The following PTPRD variants were observed in gnomAD, a reference collection of about 807,000 sequenced individuals.
The protein encoded by PTPRD is protein tyrosine phosphatase receptor type D.
A neutral mutation model predicts 214.5 loss-of-function variants in PTPRD; 34 were observed. That is an observed-to-expected ratio of 0.16 (90% CI 0.12 to 0.21). The LOEUF (loss-of-function observed/expected upper bound fraction) is 0.21. Among genes scored for constraint, PTPRD ranks in the 10% least tolerant of loss-of-function variants. PTPRD has a pLI of 1.00. For synonymous variants in PTPRD, 1,128 were observed against 845.7 expected (o/e 1.33, Z -5.79); for missense variants, 2,545 against 2,398.7 (o/e 1.06, Z -1.27).
At chr9:8,409,808 T>C (rs2093364335) in intron 35 of PTPRD, among the ~76,000 whole-genome samples, 1 of 152,222 alleles carries the variant, frequency 6.6e-6, no homozygotes, top group African/African-American at 2.4e-5. Context: ...TTTGTGTGTT[T>C]TTAAAACAAC....
chr9:9,525,126 G>C (rs1284041735), intron 8 of PTPRD, among the ~76,000 whole-genome samples: 1 of 152,132 alleles, frequency 6.6e-6, no homozygotes, highest in Non-Finnish European at 1.5e-5. Context: ...CAAAGTGCTG[G>C]GATTACAGGC....
intron 9 of PTPRD, among the ~76,000 whole-genome samples, chr9:9,371,880 C>T (rs2059604796): frequency 6.6e-6 from 1 of 152,156 alleles, no homozygotes; most frequent in African/African-American, 2.4e-5. Context: ...ACCCAGTAGT[C>T]TTTCAGGAGC....
chr9:8,944,089 A>C (rs2099049839), intron 11 of PTPRD, among the ~76,000 whole-genome samples: 2 of 152,104 alleles, frequency 1.3e-5, no homozygotes, highest in Admixed American at 6.6e-5. Flanking sequence ...AAAAATGGGC[A>C]AAAGATCTGA....
At chr9:8,536,790 G>A (rs969522711) in intron 14 of PTPRD, among the ~76,000 whole-genome samples, 1 of 151,938 alleles carries the variant, frequency 6.6e-6, no homozygotes, top group South Asian at 2.1e-4. Flanking sequence ...TGGGCCACAA[G>A]GTCCCTCTTC....
intron 8 of PTPRD, among the ~76,000 whole-genome samples, chr9:9,435,277 G>C (rs1336282525): frequency 6.6e-6 from 1 of 152,046 alleles, no homozygotes; most frequent in Non-Finnish European, 1.5e-5. Flanking sequence ...TTGGGAAGCT[G>C]AGGTGGGAGG....
chr9:8,517,655 T>C (rs2097805283), intron 21 of PTPRD, among the ~76,000 whole-genome samples, 193 bp downstream of exon 21: 1 of 152,246 alleles, frequency 6.6e-6, no homozygotes, highest in Non-Finnish European at 1.5e-5. Context: ...AATGCATTGT[T>C]CTGCTCAAAA....
chr9:9,600,265 G>C (rs1157261497), intron 7 of PTPRD, among the ~76,000 whole-genome samples: 1 of 152,094 alleles, frequency 6.6e-6, no homozygotes, highest in African/African-American at 2.4e-5. Context: ...AATGGCAGGA[G>C]AGGAAGTACA....
At chr9:9,235,476 T>C (rs571782164) in intron 9 of PTPRD, among the ~76,000 whole-genome samples, 25 of 152,278 alleles carry the variant, frequency 1.6e-4, no homozygotes, top group Non-Finnish European at 3.1e-4. Context: ...TTTTTCTTTG[T>C]GTCTTTCAGC....
At chr9:9,307,917 T>C (rs1957641069) in intron 9 of PTPRD, among the ~76,000 whole-genome samples, 1 of 152,172 alleles carries the variant, frequency 6.6e-6, no homozygotes, top group African/African-American at 2.4e-5. Context: ...ACTTTGCCTA[T>C]GTTCTCCCCT....
intron 3 of PTPRD, among the ~76,000 whole-genome samples, chr9:10,280,531 G>C (rs2095042497): frequency 6.6e-6 from 1 of 152,134 alleles, no homozygotes; most frequent in African/African-American, 2.4e-5. Context: ...TTGTGTGTAA[G>C]AAACACACGA....
intron 2 of PTPRD, among the ~76,000 whole-genome samples, chr9:10,527,516 G>C (rs1324191052): frequency 6.6e-6 from 1 of 152,148 alleles, no homozygotes; most frequent in Non-Finnish European, 1.5e-5. Flanking sequence ...GCCATAAATG[G>C]CTTGTACATT....
chr9:10,034,764 T>A (rs2097147711), intron 3 of PTPRD, among the ~76,000 whole-genome samples: 1 of 152,134 alleles, frequency 6.6e-6, no homozygotes, highest in African/African-American at 2.4e-5. Context: ...GATTTTGTTC[T>A]TTTTTATGGC....
At position 8,317,584 on chromosome 9, in the gene PTPRD, T is replaced by C. The variant is rs1006863507; in HGVS notation, c.*290A>G. The stretch of plus-strand genomic sequence containing the variant: ...TGAATAAGATGGTGGTTCTTTGCTG[T>C]GATTTCTTCTTCCCTTGATTTTGAA... On this transcript the variant is annotated 3_prime_UTR_variant, in exon 46 of 46. Coordinates refer to ENST00000381196, the MANE Select transcript of PTPRD (RefSeq NM_002839.4). The C allele has an allele frequency of 3.1e-6, 1 of 321,336 alleles. No individual in the cohort carries two copies. Among genetic ancestry groups the C allele is most frequent in the African/African-American group, 2.0e-5 (1 of 48,790 alleles). 19.9% of individuals were successfully genotyped at this position (321,336 alleles called of 1,614,324 possible).
chr9:8,854,552 C>G (rs1157253309), intron 11 of PTPRD, among the ~76,000 whole-genome samples: 1 of 152,174 alleles, frequency 6.6e-6, no homozygotes, highest in Non-Finnish European at 1.5e-5. Flanking sequence ...TCACCCTTGT[C>G]AGTTTGAAAA....
chr9:9,711,588 G>A (rs1221462994), intron 7 of PTPRD, among the ~76,000 whole-genome samples: 2 of 152,058 alleles, frequency 1.3e-5, no homozygotes, highest in Non-Finnish European at 2.9e-5. Context: ...TTCTATTGGA[G>A]CTATGTCCAC....
intron 3 of PTPRD, among the ~76,000 whole-genome samples, chr9:10,093,777 C>G (rs1380554612): frequency 1.3e-5 from 2 of 151,402 alleles, no homozygotes; most frequent in East Asian, 3.9e-4. Flanking sequence ...AAAATCGTGT[C>G]CTTTGCAGTA....
At chr9:9,753,040 C>T (rs2098536812) in intron 6 of PTPRD, among the ~76,000 whole-genome samples, 1 of 152,054 alleles carries the variant, frequency 6.6e-6, no homozygotes, top group African/African-American at 2.4e-5. Context: ...CTCTGGTGTG[C>T]TCTGCTTTTA....
chr9:9,876,430 G>T (rs1338039307), intron 5 of PTPRD, among the ~76,000 whole-genome samples: 1 of 151,902 alleles, frequency 6.6e-6, no homozygotes, highest in Non-Finnish European at 1.5e-5. Flanking sequence ...TATTTAAACG[G>T]AGCTGTGAAT....
chr9:9,125,524 G>C (rs2099829095), intron 10 of PTPRD, among the ~76,000 whole-genome samples: 1 of 152,136 alleles, frequency 6.6e-6, no homozygotes, highest in African/African-American at 2.4e-5. Context: ...TCCCACTTCA[G>C]ACTATGAGCC....
Sources: allele counts gnomAD v4.1 joint callset (sites outside exome capture counted in the v4.1 genomes callset), GRCh38; gene constraint gnomAD v4.1.1; transcripts MANE v1.5; gene names NCBI Gene and HGNC (gene_info 2026-07-23, HGNC 2026-07-21).